Variants in TOX2 observed in about 807,000 individuals in gnomAD.
The protein encoded by TOX2 is TOX high mobility group box family member 2.
A neutral mutation model predicts 47.4 loss-of-function variants in TOX2; 15 were observed. The ratio of observed to expected loss-of-function variants is 0.32; its 90% CI spans 0.21 to 0.49. The LOEUF (loss-of-function observed/expected upper bound fraction) is 0.49, where lower values mean the gene tolerates loss of function less well. Ranked by LOEUF, TOX2 falls within the 20% of genes least tolerant of loss-of-function variation. The pLI, the probability that TOX2 is intolerant of heterozygous loss-of-function variation, is 0.99. For missense variants in TOX2, 622 were observed against 673.1 expected (o/e 0.92, Z 0.84); for synonymous variants, 290 against 296.6 (o/e 0.98, Z 0.23).
intron 1 of TOX2, among the ~76,000 whole-genome samples, chr20:43,932,881 A>C (rs2145324592): frequency 6.6e-6 from 1 of 152,138 alleles, no homozygotes; most frequent in Middle Eastern, 3.4e-3. Flanking sequence ...GGCCTGGACA[A>C]ATCTCATCTG....
chr20:43,973,483 G>C, intron 2 of TOX2, 51 bp downstream of exon 2: 1 of 1,571,574 alleles, frequency 6.4e-7, no homozygotes, highest in Non-Finnish European at 8.7e-7. Context: ...GGGCTGGCTG[G>C]ATCTGAGCTG....
intron 3 of TOX2, among the ~76,000 whole-genome samples, chr20:44,021,124 G>A (rs1421303751): frequency 6.6e-6 from 1 of 152,128 alleles, no homozygotes; most frequent in African/African-American, 2.4e-5. Flanking sequence ...ATGCAACAGG[G>A]AAAAGAAAGG....
chr20:44,025,251 C>A (rs1424472548), intron 3 of TOX2, among the ~76,000 whole-genome samples: 1 of 152,000 alleles, frequency 6.6e-6, no homozygotes, highest in Admixed American at 6.5e-5. Context: ...ATGCGTCGAG[C>A]CTCTGCCTGC....
rs757053231 is a variant in TOX2, at chr20:43,995,582, G to A, written c.166-10965G>A. Among the ~76,000 whole-genome samples the A allele has an allele frequency of 3.9e-5, 6 of 152,082 alleles. 1 individual carries two copies. The highest frequency in any genetic ancestry group is 4.1e-4 in the South Asian group (2 of 4,824). ...TTTGTTATATAGGTAAGCTTGTGTC[G>A]TGGGGATTTGATGTACGGATTATTT... On this transcript the variant is annotated intron_variant, in intron 2 of 8. Transcript: ENST00000341197.
chr20:43,987,946 T>A (rs6031276), intron 2 of TOX2, among the ~76,000 whole-genome samples: 56,590 of 128,418 alleles, frequency 0.44, 14,835 homozygotes, highest in African/African-American at 0.75. Flanking sequence ...TTGGAGACAG[T>A]GTCTCACTCT....
At position 44,068,810 on chromosome 20, in the gene TOX2, C is replaced by A; in HGVS notation, c.*124C>A. On this transcript the variant is annotated 3_prime_UTR_variant, in exon 9 of 9. Coordinates refer to ENST00000341197, the MANE Select transcript of TOX2 (RefSeq NM_001098797.2). ...CCATCGGAGAGAGCAGTGACACACC[C>A]ATTGCCCGGGGGCTGAGTCTCTTCC... is the stretch of plus-strand genomic sequence containing the variant. 7.6e-7 allele frequency: 1 copy of A among 1,324,482 alleles called. No individual in the cohort carries two copies. Among genetic ancestry groups the A allele is most frequent in the Non-Finnish European group, 1.1e-6 (1 of 938,674 alleles). 82.0% of individuals were successfully genotyped at this position (1,324,482 alleles called of 1,614,324 possible). A position where few individuals can be genotyped will look rare whatever the true frequency, so the allele number is the denominator to read the frequency against.
chr20:43,938,317 G>A (rs150734539), intron 1 of TOX2, among the ~76,000 whole-genome samples: 217 of 152,248 alleles, frequency 1.4e-3, no homozygotes, highest in African/African-American at 4.9e-3. Context: ...ATGACCCACC[G>A]GGACCCCTTA....
At chr20:43,993,662 T>C (rs1228366138) in intron 2 of TOX2, among the ~76,000 whole-genome samples, 1 of 152,164 alleles carries the variant, frequency 6.6e-6, no homozygotes, top group Admixed American at 6.5e-5. Context: ...TACTGGAACA[T>C]GGGATCCTCC....
At chr20:44,011,063 C>G (rs1392939526) in intron 3 of TOX2, among the ~76,000 whole-genome samples, 1 of 152,116 alleles carries the variant, frequency 6.6e-6, no homozygotes, top group East Asian at 1.9e-4. Flanking sequence ...ATCGCCTTCC[C>G]TCTGTCAGCA....
At chr20:43,941,393 C>T (rs144041310) in intron 1 of TOX2, among the ~76,000 whole-genome samples, 11 of 149,684 alleles carry the variant, frequency 7.3e-5, no homozygotes, top group Admixed American at 4.0e-4. Flanking sequence ...AGTACAATGG[C>T]GCGATCTCGG....
chr20:43,984,118 C>A (rs985491488), intron 2 of TOX2, among the ~76,000 whole-genome samples: 1 of 152,094 alleles, frequency 6.6e-6, no homozygotes, highest in African/African-American at 2.4e-5. Flanking sequence ...AAGGTAACAG[C>A]GGTGATTACT....
At chr20:43,949,778 G>A (rs1225724748) in intron 1 of TOX2, among the ~76,000 whole-genome samples, 1 of 152,100 alleles carries the variant, frequency 6.6e-6, no homozygotes, top group Non-Finnish European at 1.5e-5. Context: ...CAGAGCCAGG[G>A]TCCCCTTCCC....
rs569832192 is a variant in TOX2 at position 43,951,282 on chromosome 20, ATAGAG to A, written c.100-22080_100-22076del. On this transcript the variant is annotated intron_variant, in intron 1 of 8. Transcript: ENST00000341197. ...TGTATTTGAGTTTTCTACCTTTAAA[ATAGAG>A]TAGATAGGCCGGTGTGGTGGCTCAC... Among the ~76,000 whole-genome samples the A allele has an allele frequency of 2.2e-3, 330 of 152,324 alleles. 2 individuals carry two copies. The highest frequency in any genetic ancestry group is 7.5e-3 in the African/African-American group (312 of 41,572).
At chr20:44,000,729 G>A (rs1048165776) in intron 2 of TOX2, among the ~76,000 whole-genome samples, 2 of 152,094 alleles carry the variant, frequency 1.3e-5, no homozygotes, top group East Asian at 1.9e-4. Flanking sequence ...ATAGATTAAG[G>A]AGAAGAATGG....
intron 2 of TOX2, among the ~76,000 whole-genome samples, chr20:43,977,972 T>G (rs1033208430): frequency 2.0e-5 from 3 of 152,170 alleles, no homozygotes; most frequent in Non-Finnish European, 4.4e-5. Flanking sequence ...AGCTCCTCCA[T>G]GCCTCAGCAT....
chr20:43,957,039 T>C (rs967415989), intron 1 of TOX2, among the ~76,000 whole-genome samples: 4 of 152,242 alleles, frequency 2.6e-5, no homozygotes, highest in Non-Finnish European at 5.9e-5. Context: ...TATTATGTTT[T>C]CTTCCACAGA....
In TOX2 at chr20:44,051,550, G is replaced by T. The variant is rs746296860; in HGVS notation, c.651+5G>T. 6.4e-7 allele frequency: 1 copy of T among 1,572,844 alleles called. No homozygotes were observed. ...GAGTCGGAAGTGCATTTCAAGGTAT[G>T]TGCGGTGGAGGAACAGAGCCTGAAG... On this transcript the variant is annotated splice_donor_5th_base_variant and intron_variant, in intron 4 of 8. Coordinates refer to ENST00000341197, the MANE Select transcript of TOX2 (RefSeq NM_001098797.2).
At chr20:44,066,342 G>A (rs2071821490) in intron 7 of TOX2, among the ~76,000 whole-genome samples, 1 of 152,128 alleles carries the variant, frequency 6.6e-6, no homozygotes, top group Admixed American at 6.5e-5. Context: ...GGATACTCCA[G>A]TCCCCCCTTC....
chr20:43,925,884 G>T (rs2069160765), intron 1 of TOX2, among the ~76,000 whole-genome samples: 1 of 152,234 alleles, frequency 6.6e-6, no homozygotes, highest in African/African-American at 2.4e-5. Context: ...GGCAGAGGGG[G>T]CTGTTAGGCA....
Sources: gnomAD v4.1 joint callset for allele counts (sites outside exome capture counted in the v4.1 genomes callset) on GRCh38, gnomAD v4.1.1 for gene constraint, MANE v1.5 for transcripts, NCBI Gene and HGNC (gene_info 2026-07-23, HGNC 2026-07-21) for gene names.